Variants in CGGBP1 observed in about 807,000 individuals in gnomAD.
CGGBP1 encodes CGG triplet repeat binding protein 1, also known as CGG triplet repeat-binding protein 1.
Under a neutral mutation model 11.4 loss-of-function variants are expected in CGGBP1, and 4 were observed. The ratio of observed to expected loss-of-function variants is 0.35; its 90% CI spans 0.17 to 0.80. The LOEUF (loss-of-function observed/expected upper bound fraction) is 0.80. CGGBP1 is among the 30% of genes least tolerant of loss of function. CGGBP1 has a pLI of 0.52. For missense variants in CGGBP1, 135 were observed against 202.1 expected (o/e 0.67, Z 2.01); for synonymous variants, 76 against 74.1 (o/e 1.03, Z -0.13).
chr3:88,147,425 C>A (rs76955273), intron 1 of CGGBP1, among the ~76,000 whole-genome samples: 9,212 of 152,116 alleles, frequency 0.061, 817 homozygotes, highest in African/African-American at 0.19. Context: ...AGGCAAGAAC[C>A]TATGGCAAGT....
intron 2 of CGGBP1, among the ~76,000 whole-genome samples, chr3:88,097,063 C>T (rs1022974396): frequency 6.6e-6 from 1 of 151,958 alleles, no homozygotes; most frequent in Admixed American, 6.6e-5. Context: ...TGTAATTAAC[C>T]AGCCCCTTAC....
intron 2 of CGGBP1, among the ~76,000 whole-genome samples, chr3:88,120,996 A>AACTT (rs771461127): frequency 6.6e-6 from 1 of 152,066 alleles, no homozygotes; most frequent in Non-Finnish European, 1.5e-5. Context: ...TGGTGCTTAA[A>AACTT]AGCTAGGTGA....
chr3:88,140,374 G>A lies in CGGBP1; in HGVS notation c.-229+596C>T. On this transcript the variant is annotated intron_variant, in intron 2 of 3. Coordinates refer to the CGGBP1 transcript ENST00000462901. ...CCTAATCAGGAAAAAGACTCATCTAGTAATGAGAAACAAACTATTAGTCTG... is the reference window on the plus strand; with the variant it reads ...CCTAATCAGGAAAAAGACTCATCTAATAATGAGAAACAAACTATTAGTCTG... 1.9e-6 allele frequency: 3 copies of A among 1,613,076 alleles called. No individual in the cohort carries two copies. In the Admixed American group the frequency reaches 5.0e-5, roughly 27 times the overall value.
intron 2 of CGGBP1, among the ~76,000 whole-genome samples, chr3:88,087,075 C>G (rs1051785249): frequency 9.2e-5 from 14 of 151,376 alleles, no homozygotes; most frequent in African/African-American, 3.4e-4. Flanking sequence ...AGCCACCGTG[C>G]CCAGCCCATT....
chr3:88,103,419 A>G (rs972596618), intron 2 of CGGBP1, among the ~76,000 whole-genome samples: 8 of 152,224 alleles, frequency 5.3e-5, no homozygotes, highest in Admixed American at 5.2e-4. Flanking sequence ...CCTTGAATGT[A>G]GATTCATAGA....
intron 2 of CGGBP1, among the ~76,000 whole-genome samples, chr3:88,120,008 T>C (rs1208845609): frequency 3.9e-5 from 6 of 152,156 alleles, no homozygotes; most frequent in Admixed American, 1.3e-4. Flanking sequence ...ATTTTAAATA[T>C]TCTTTTTTTC....
intron 2 of CGGBP1, among the ~76,000 whole-genome samples, chr3:88,115,932 G>A (rs550354414): frequency 6.6e-6 from 1 of 152,298 alleles, no homozygotes; most frequent in African/African-American, 2.4e-5. Flanking sequence ...GCTCAGGGAT[G>A]AAGCCAGATT....
At chr3:88,129,050 C>T in intron 2 of CGGBP1, 1 of 1,441,130 alleles carries the variant, frequency 6.9e-7, no homozygotes, top group Admixed American at 2.7e-5. Context: ...ACCATTTTAA[C>T]CCTACCAAAA....
intron 1 of CGGBP1, chr3:88,142,170 G>C (rs1390134477): frequency 1.3e-5 from 2 of 152,280 alleles, no homozygotes; most frequent in Non-Finnish European, 2.9e-5. Flanking sequence ...GTTTGTGATT[G>C]ATTTAGAAAC....
At chr3:88,121,133 TA>T (rs765582721) in intron 2 of CGGBP1, among the ~76,000 whole-genome samples, 1 of 150,880 alleles carries the variant, frequency 6.6e-6, no homozygotes, top group Admixed American at 6.6e-5. Context: ...ATGAGCAAAA[TA>T]AAAAAAAAGA....
At chr3:88,113,938 A>G (rs1453977528) in intron 2 of CGGBP1, among the ~76,000 whole-genome samples, 1 of 152,176 alleles carries the variant, frequency 6.6e-6, no homozygotes. Flanking sequence ...AAAGAGGTAA[A>G]AATACCTGTT....
upstream of CGGBP1, chr3:88,059,606 G>C: frequency 7.2e-7 from 1 of 1,397,708 alleles, no homozygotes; most frequent in Non-Finnish European, 9.3e-7. Flanking sequence ...TCCAGTGCCC[G>C]CTCCTCCCCA....
intron 2 of CGGBP1, chr3:88,135,250 C>T: frequency 7.6e-7 from 1 of 1,315,944 alleles, no homozygotes; most frequent in Non-Finnish European, 9.8e-7. Flanking sequence ...AGTGACAGTT[C>T]ACTGAAACTT....
intron 2 of CGGBP1, among the ~76,000 whole-genome samples, chr3:88,076,704 C>G (rs1421722852): frequency 6.6e-6 from 1 of 152,070 alleles, no homozygotes; most frequent in African/African-American, 2.4e-5. Flanking sequence ...TTTTGGGGTT[C>G]CCTTGTCCAT....
intron 2 of CGGBP1, among the ~76,000 whole-genome samples, chr3:88,118,713 T>C (rs1705566299): frequency 1.3e-5 from 2 of 152,198 alleles, no homozygotes; most frequent in African/African-American, 4.8e-5. Flanking sequence ...ATCAGCTTAA[T>C]AGCAAAGCAT....
chr3:88,071,945 T>G (rs959895488), intron 2 of CGGBP1, among the ~76,000 whole-genome samples: 4 of 152,246 alleles, frequency 2.6e-5, no homozygotes, highest in African/African-American at 9.6e-5. Context: ...TTGTAAGTGC[T>G]CATAAAATGC....
intron 2 of CGGBP1, among the ~76,000 whole-genome samples, chr3:88,124,377 A>G (rs1206867419): frequency 6.6e-6 from 1 of 152,154 alleles, no homozygotes; most frequent in East Asian, 1.9e-4. Context: ...AACTTAGAAG[A>G]TATTTATTTT....
At chr3:88,139,414 G>C (rs1394841975) in intron 2 of CGGBP1, 1 of 1,613,716 alleles carries the variant, frequency 6.2e-7, no homozygotes, top group Non-Finnish European at 8.5e-7. Flanking sequence ...AGGAAATTTA[G>C]AAACAGAGGA....
chr3:88,097,715 C>A (rs764054228), intron 2 of CGGBP1, among the ~76,000 whole-genome samples: 4 of 152,136 alleles, frequency 2.6e-5, no homozygotes, highest in Non-Finnish European at 4.4e-5. Context: ...AACTGAACAA[C>A]CGGCTCCTGA....
Sources: gnomAD v4.1 joint callset for allele counts (sites outside exome capture counted in the v4.1 genomes callset) on GRCh38, gnomAD v4.1.1 for gene constraint, MANE v1.5 for transcripts, NCBI Gene and HGNC (gene_info 2026-07-23, HGNC 2026-07-21) for gene names.